The following GALNT9 variants were observed in gnomAD, a reference collection of about 807,000 sequenced individuals.
GALNT9 encodes the protein GalNAc transferase 9.
GALNT9 carries 47 observed loss-of-function variants against 63.1 expected under a neutral mutation model. That is an observed-to-expected ratio of 0.75 (90% CI 0.59 to 0.95). The LOEUF (loss-of-function observed/expected upper bound fraction) is 0.95, where lower values mean the gene tolerates loss of function less well. GALNT9 is among the 40% of genes least tolerant of loss of function. The pLI is 0.00. For synonymous variants in GALNT9, 396 were observed against 365.7 expected (o/e 1.08, Z -0.94); for missense variants, 829 against 874.8 (o/e 0.95, Z 0.66).
At chr12:132,264,195 A>G (rs1879511280) in intron 2 of GALNT9, among the ~76,000 whole-genome samples, 1 of 152,240 alleles carries the variant, frequency 6.6e-6, no homozygotes, top group Non-Finnish European at 1.5e-5. Context: ...AGCCGCCTGC[A>G]TGGAACAGAA....
intron 6 of GALNT9, among the ~76,000 whole-genome samples, chr12:132,210,288 G>A (rs1448326130): frequency 3.9e-5 from 6 of 152,262 alleles, no homozygotes; most frequent in Non-Finnish European, 7.3e-5. Flanking sequence ...TGTCTTTGGC[G>A]GCGCTGTGGG....
intron 1 of GALNT9, among the ~76,000 whole-genome samples, chr12:132,311,984 T>C (rs1253624617): frequency 1.3e-5 from 2 of 152,226 alleles, no homozygotes; most frequent in Non-Finnish European, 2.9e-5. Flanking sequence ...GAGACCCTGG[T>C]TTGCCTTTGT....
At chr12:132,254,067 G>A (rs113243442) in intron 5 of GALNT9, among the ~76,000 whole-genome samples, 78 of 151,600 alleles carry the variant, frequency 5.1e-4, no homozygotes, top group African/African-American at 1.2e-3. Context: ...CGTTGCCCAG[G>A]CTGGAGTGCA....
At chr12:132,305,350 C>T (rs1336719411) in intron 1 of GALNT9, among the ~76,000 whole-genome samples, 13 of 35,216 alleles carry the variant, frequency 3.7e-4, no homozygotes, top group Admixed American at 6.5e-4. Flanking sequence ...CGCCCTCACC[C>T]GGGCACACCC....
At chr12:132,305,613 ACCCTC>A (rs1555244577) in intron 1 of GALNT9, among the ~76,000 whole-genome samples, 2 of 146,128 alleles carry the variant, frequency 1.4e-5, no homozygotes, top group African/African-American at 5.3e-5. Context: ...ACCCGGGCAC[ACCCTC>A]ACCCGGGCAC....
chr12:132,281,819 A>G (rs1555241691), intron 2 of GALNT9, among the ~76,000 whole-genome samples: 1 of 151,820 alleles, frequency 6.6e-6, no homozygotes, highest in African/African-American at 2.4e-5. Context: ...ACAGAGGAGG[A>G]ATCAGCTCCA....
intron 1 of GALNT9, among the ~76,000 whole-genome samples, chr12:132,287,879 G>C (rs1464506182): frequency 6.6e-6 from 1 of 152,158 alleles, no homozygotes; most frequent in Non-Finnish European, 1.5e-5. Flanking sequence ...ACCATTGGCT[G>C]TCTCTGAGCT....
chr12:132,300,965 G>C (rs1265867400), intron 1 of GALNT9, among the ~76,000 whole-genome samples: 1 of 152,268 alleles, frequency 6.6e-6, no homozygotes, highest in Admixed American at 6.5e-5. Flanking sequence ...CTTCCCATGT[G>C]GGGGCAGCGG....
At chr12:132,244,168 G>A (rs929109717) in intron 6 of GALNT9, among the ~76,000 whole-genome samples, 1 of 137,860 alleles carries the variant, frequency 7.3e-6, no homozygotes, top group Non-Finnish European at 1.6e-5. Context: ...GTGCCTCCAC[G>A]GGCCAAGAGC....
chr12:132,323,632 G>C (rs1275273971), intron 1 of GALNT9, among the ~76,000 whole-genome samples: 1 of 152,240 alleles, frequency 6.6e-6, no homozygotes, highest in Non-Finnish European at 1.5e-5. Context: ...GAAATGCCAG[G>C]CTCCTCCGAG....
intron 7 of GALNT9, among the ~76,000 whole-genome samples, chr12:132,201,525 C>T (rs914652183): frequency 3.9e-5 from 6 of 152,300 alleles, no homozygotes; most frequent in Middle Eastern, 3.4e-3. Flanking sequence ...GCAGCCGGCT[C>T]GTCCACACCC....
chr12:132,267,064 C>T (rs1879627537), intron 2 of GALNT9, among the ~76,000 whole-genome samples: 2 of 152,168 alleles, frequency 1.3e-5, no homozygotes, highest in South Asian at 4.2e-4. Context: ...AGCTCTCTCC[C>T]CGAGGAGCAG....
At chr12:132,300,288 CCT>C (rs1881244486) in intron 1 of GALNT9, among the ~76,000 whole-genome samples, 2 of 146,880 alleles carry the variant, frequency 1.4e-5, no homozygotes, top group Admixed American at 6.8e-5. Context: ...CTAACCCACC[CCT>C]GAGATGACCA....
Position 132,197,242 on chromosome 12 carries a change from AATGGGGCCACTCT to A in GALNT9, c.1666-2_1676del. The A allele has an allele frequency of 6.2e-7, 1 of 1,611,672 alleles. No homozygotes were observed. The highest frequency in any genetic ancestry group is 1.7e-5 in the Admixed American group (1 of 59,912). ...GGCAGCGGCCCGTGGCCCGGCTCAC[AATGGGGCCACTCT>A]GTGGGGACAGGCACATCAAGTCAGC... On this transcript the variant is annotated splice_acceptor_variant and coding_sequence_variant, in exon 11 of 11. Coordinates refer to ENST00000328957, the MANE Select transcript of GALNT9 (RefSeq NM_001122636.2). LOFTEE classifies it high-confidence loss of function.
chr12:132,304,390 G>A (rs1158733097), intron 1 of GALNT9, among the ~76,000 whole-genome samples: 5 of 34,356 alleles, frequency 1.5e-4, no homozygotes, highest in East Asian at 1.2e-3. Flanking sequence ...CACCCTCACC[G>A]GGGCACACCC....
At chr12:132,250,236 G>C (rs1878856951) in intron 5 of GALNT9, among the ~76,000 whole-genome samples, 1 of 152,208 alleles carries the variant, frequency 6.6e-6, no homozygotes, top group African/African-American at 2.4e-5. Flanking sequence ...GAACAGAAGA[G>C]GCAAGTCCAC....
At chr12:132,247,148 G>T (rs188586273) in intron 6 of GALNT9, among the ~76,000 whole-genome samples, 2 of 147,766 alleles carry the variant, frequency 1.4e-5, no homozygotes, top group South Asian at 4.3e-4. Flanking sequence ...AGCCTCACAC[G>T]GACACGGTCC....
chr12:132,309,375 T>A (rs1197488569), intron 1 of GALNT9, among the ~76,000 whole-genome samples: 2 of 152,142 alleles, frequency 1.3e-5, no homozygotes, highest in Non-Finnish European at 2.9e-5. Flanking sequence ...TGCCCCAGTT[T>A]AGATGAATGC....
intron 6 of GALNT9, among the ~76,000 whole-genome samples, chr12:132,222,168 A>T (rs1877476821): frequency 6.6e-6 from 1 of 152,092 alleles, no homozygotes; most frequent in African/African-American, 2.4e-5. Flanking sequence ...AAAACACACA[A>T]CTCCAAACGG....
Sources: allele counts gnomAD v4.1 joint callset (sites outside exome capture counted in the v4.1 genomes callset), GRCh38; gene constraint gnomAD v4.1.1; transcripts MANE v1.5; gene names NCBI Gene and HGNC (gene_info 2026-07-23, HGNC 2026-07-21).